The following DORIP1 variants were observed in gnomAD, a reference collection of about 807,000 sequenced individuals.
DORIP1 encodes dopamine receptor-interacting protein 1.
At chr14:44,898,767 A>G in the DORIP1 span, 2 of 152,034 alleles carry the variant, frequency 1.3e-5, no homozygotes, top group Admixed American at 6.5e-5. Context: ...CATACTAAAT[A>G]TAGTTACTGG....
chr14:44,902,870 A>G, the DORIP1 span, among the ~76,000 whole-genome samples: 1 of 152,208 alleles, frequency 6.6e-6, no homozygotes. Flanking sequence ...TTAATCAGGT[A>G]ACTAATCAGC....
the DORIP1 span, among the ~76,000 whole-genome samples, chr14:44,899,824 ATTTTTTTTTTT>A: frequency 3.5e-5 from 4 of 115,300 alleles, no homozygotes; most frequent in Admixed American, 3.7e-4. Context: ...TCATTTAGGA[ATTTTTTTTTTT>A]TTTTTTTTTT....
At chr14:44,899,824 ATTTTT>A in the DORIP1 span, among the ~76,000 whole-genome samples, 1 of 115,272 alleles carries the variant, frequency 8.7e-6, no homozygotes, top group Non-Finnish European at 1.7e-5. Context: ...TCATTTAGGA[ATTTTT>A]TTTTTTTTTT....
chr14:44,902,854 T>G, the DORIP1 span, among the ~76,000 whole-genome samples: 1 of 152,190 alleles, frequency 6.6e-6, no homozygotes, highest in Non-Finnish European at 1.5e-5. Flanking sequence ...TGATTATTAC[T>G]TACATTTAAT....
chr14:44,906,034 G>A, the DORIP1 span: 2 of 149,082 alleles, frequency 1.3e-5, no homozygotes, highest in South Asian at 4.3e-4. Flanking sequence ...GTATGGATTT[G>A]AATGTACAAT....
the DORIP1 span, chr14:44,903,391 T>G: frequency 6.7e-7 from 1 of 1,491,496 alleles, no homozygotes; most frequent in Non-Finnish European, 9.1e-7. Flanking sequence ...TGAATCTTAT[T>G]AACCTAGTTT....
At chr14:44,900,567 TA>T in the DORIP1 span, 1 of 1,611,806 alleles carries the variant, frequency 6.2e-7, no homozygotes, top group Non-Finnish European at 8.5e-7. Flanking sequence ...CAGTATCCTG[TA>T]CACCACTCTA....
chr14:44,904,357 C>T, the DORIP1 span: 2 of 1,578,802 alleles, frequency 1.3e-6, no homozygotes, highest in Non-Finnish European at 1.7e-6. Context: ...CAGCTTTGTC[C>T]CAAGTGTAAT....
chr14:44,907,027 A>C, the DORIP1 span: 1 of 152,562 alleles, frequency 6.6e-6, no homozygotes, highest in Non-Finnish European at 1.5e-5. Context: ...CATGAACTGA[A>C]GTATACAATA....
At chr14:44,905,652 T>C in the DORIP1 span, 1 of 800,560 alleles carries the variant, frequency 1.2e-6, no homozygotes, top group Non-Finnish European at 1.8e-6. Context: ...ATAGTTCAAC[T>C]ATACTAGTTT....
At chr14:44,905,925 A>G in the DORIP1 span, 1 of 153,056 alleles carries the variant, frequency 6.5e-6, no homozygotes, top group East Asian at 1.9e-4. Context: ...AAACCTAGGT[A>G]AAAGTATTTT....
chr14:44,906,944 GATTT>G, the DORIP1 span: 2 of 151,920 alleles, frequency 1.3e-5, no homozygotes, highest in Non-Finnish European at 2.9e-5. Flanking sequence ...TTCACCCCAA[GATTT>G]ATTTAGTTTC....
the DORIP1 span, chr14:44,906,998 T>C: frequency 6.6e-6 from 1 of 152,574 alleles, no homozygotes; most frequent in East Asian, 1.9e-4. Flanking sequence ...GAGTAAACTT[T>C]TCTGGGGACA....
chr14:44,903,101 G>A, the DORIP1 span: 1 of 748,182 alleles, frequency 1.3e-6, no homozygotes, highest in Non-Finnish European at 2.3e-6. Context: ...GTTATACTTG[G>A]TATAACTGGT....
chr14:44,903,019 A>C, the DORIP1 span, among the ~76,000 whole-genome samples: 1 of 152,194 alleles, frequency 6.6e-6, no homozygotes, highest in Non-Finnish European at 1.5e-5. Flanking sequence ...TTTCTTTGAA[A>C]ATTTCATAAT....
the DORIP1 span, among the ~76,000 whole-genome samples, chr14:44,901,896 T>C: frequency 6.6e-6 from 1 of 152,102 alleles, no homozygotes; most frequent in Non-Finnish European, 1.5e-5. Context: ...AAAGTCCAAA[T>C]TGGCAAGCCC....
At chr14:44,903,313 C>T in the DORIP1 span, 1 of 1,594,036 alleles carries the variant, frequency 6.3e-7, no homozygotes, top group Non-Finnish European at 8.6e-7. Flanking sequence ...ATACAATAGA[C>T]ATTTAAAATG....
chr14:44,901,685 C>T, the DORIP1 span, among the ~76,000 whole-genome samples: 1 of 152,166 alleles, frequency 6.6e-6, no homozygotes, highest in Non-Finnish European at 1.5e-5. Context: ...GGGCTAGTTC[C>T]ATATGAACAA....
the DORIP1 span, among the ~76,000 whole-genome samples, chr14:44,900,022 G>C: frequency 6.6e-6 from 1 of 151,702 alleles, no homozygotes; most frequent in South Asian, 2.1e-4. Context: ...ATAGAGAGAG[G>C]GTTTCTCCAT....
Sources: allele counts gnomAD v4.1 joint callset (sites outside exome capture counted in the v4.1 genomes callset), GRCh38; gene constraint gnomAD v4.1.1; transcripts MANE v1.5; gene names NCBI Gene and HGNC (gene_info 2026-07-23, HGNC 2026-07-21).